The following TRPM6 variants were observed in gnomAD, a reference collection of about 807,000 sequenced individuals.
TRPM6 encodes transient receptor potential cation channel subfamily M member 6.
TRPM6 carries 111 observed loss-of-function variants against 247.6 expected under a neutral mutation model. The observed-to-expected ratio is 0.45, with a 90% CI of 0.38 to 0.52. The LOEUF is 0.52. Ranked by LOEUF, TRPM6 falls within the 20% of genes least tolerant of loss-of-function variation. The pLI is 0.00. For missense variants in TRPM6, 2,126 were observed against 2,421.5 expected (o/e 0.88, Z 2.56); for synonymous variants, 892 against 853.8 (o/e 1.04, Z -0.78).
At chr9:74,848,911 T>C (rs1830194711) in intron 3 of TRPM6, among the ~76,000 whole-genome samples, 3 of 152,206 alleles carry the variant, frequency 2.0e-5, no homozygotes, top group Admixed American at 2.0e-4. Flanking sequence ...TTCCAAAATG[T>C]TCCAAAGAGA....
chr9:74,738,458 G>A lies in TRPM6; in HGVS notation c.5725C>T (p.His1909Tyr). ...TLEELMLAFS[H>Y]WTYEYTRGEL... ...CCCCGAGTGTACTCATAGGTCCAGT[G>A]AGAGAAAGCCAACATCAGCTCCTCC... Residue 1909 changes from histidine to tyrosine, a missense_variant, in exon 36 of 39, where the codon CAC becomes TAC. His to Tyr is a moderately conservative substitution (Grantham distance 83). Transcript: ENST00000360774. 2 of 1,614,112 alleles carry A rather than the reference G, an allele frequency of 1.2e-6. No homozygotes were observed. The highest frequency in any genetic ancestry group is 1.7e-6 in the Non-Finnish European group (2 of 1,179,994).
intron 35 of TRPM6, 133 bp downstream of exon 35, chr9:74,739,234 T>C (rs1587455896): frequency 2.2e-6 from 2 of 910,698 alleles, no homozygotes; most frequent in South Asian, 1.4e-5. Flanking sequence ...TCCGAAATTA[T>C]GGAAGGAAGA....
intron 36 of TRPM6, among the ~76,000 whole-genome samples, chr9:74,735,015 C>G (rs1825646972): frequency 6.6e-6 from 1 of 152,132 alleles, no homozygotes; most frequent in African/African-American, 2.4e-5. Flanking sequence ...GAGTTTGAGA[C>G]TGGCCTGGCC....
chr9:74,800,555 A>C, intron 16 of TRPM6, 73 bp from the exon 17 acceptor site: 1 of 1,018,726 alleles, frequency 9.8e-7, no homozygotes, highest in Non-Finnish European at 1.5e-6. Context: ...ATTTTAGAAC[A>C]TTTAGAAACA....
intron 36 of TRPM6, among the ~76,000 whole-genome samples, chr9:74,736,571 T>C (rs1487168146): frequency 1.3e-5 from 2 of 152,232 alleles, no homozygotes; most frequent in East Asian, 1.9e-4. Context: ...GGTGTAACTG[T>C]TCATAATTAC....
At chr9:74,854,095 G>A (rs1564051652) in intron 3 of TRPM6, among the ~76,000 whole-genome samples, 1 of 152,176 alleles carries the variant, frequency 6.6e-6, no homozygotes, top group East Asian at 1.9e-4. Flanking sequence ...ATATAACACA[G>A]ACAGCATCAG....
Position 74,782,659 on chromosome 9 carries a change from C to A in TRPM6, c.3094+20G>T, listed in dbSNP as rs76230771. 12 of 1,613,042 alleles carry A rather than the reference C, an allele frequency of 7.4e-6. No individual in the cohort carries two copies. Among genetic ancestry groups the A allele is most frequent in the Middle Eastern group, 1.6e-4 (1 of 6,080 alleles). ...CTATGAAGGCACAATTTCTGCATGA[C>A]GGTAAAATCCCATACACACCATCTA... On this transcript the variant is annotated intron_variant, in intron 22 of 38. Transcript: ENST00000360774.
chr9:74,825,071 C>T (rs991737020), intron 7 of TRPM6, among the ~76,000 whole-genome samples: 2 of 152,082 alleles, frequency 1.3e-5, no homozygotes, highest in Non-Finnish European at 2.9e-5. Flanking sequence ...ACCAGCCTGG[C>T]CAACATGGTA....
At chr9:74,819,553 C>A (rs575561332) in intron 9 of TRPM6, among the ~76,000 whole-genome samples, 1 of 152,254 alleles carries the variant, frequency 6.6e-6, no homozygotes, top group African/African-American at 2.4e-5. Context: ...TATCACAGTA[C>A]CCTAAAACAC....
At chr9:74,791,278 T>C (rs946350284) in intron 19 of TRPM6, among the ~76,000 whole-genome samples, 5 of 152,216 alleles carry the variant, frequency 3.3e-5, no homozygotes, top group African/African-American at 1.2e-4. Context: ...CACAGCTACG[T>C]ACTTATTCAA....
At chr9:74,865,009 G>C (rs1830802386) in intron 1 of TRPM6, among the ~76,000 whole-genome samples, 1 of 151,074 alleles carries the variant, frequency 6.6e-6, no homozygotes, top group Non-Finnish European at 1.5e-5. Flanking sequence ...GGAGGTGGAA[G>C]TTGCAGTGGG....
chr9:74,872,600 T>TTGTG (rs59577843), intron 1 of TRPM6, among the ~76,000 whole-genome samples: 70,262 of 150,008 alleles, frequency 0.47, 17,356 homozygotes, highest in East Asian at 0.76. Flanking sequence ...CCAGCAAATT[T>TTGTG]TGTGTGTGTG....
chr9:74,807,089 A>G (rs1454116429), intron 14 of TRPM6, among the ~76,000 whole-genome samples: 1 of 152,150 alleles, frequency 6.6e-6, no homozygotes, highest in Non-Finnish European at 1.5e-5. Context: ...TTAATAGAGA[A>G]CATTTTTCTG....
At chr9:74,737,557 G>A in intron 36 of TRPM6, 1 of 611,530 alleles carries the variant, frequency 1.6e-6, no homozygotes, top group Non-Finnish European at 2.6e-6. Flanking sequence ...AAAGAACAGT[G>A]AAAAGAAAAG....
chr9:74,856,557 C>T (rs556151661), intron 2 of TRPM6, among the ~76,000 whole-genome samples: 5 of 151,912 alleles, frequency 3.3e-5, no homozygotes, highest in South Asian at 4.2e-4. Flanking sequence ...AAATAAGGGC[C>T]GCTCTAAGTT....
At position 74,887,897 on chromosome 9, in the gene TRPM6, T is replaced by C. The variant is rs1208205787; in HGVS notation, c.-41A>G. 2 of 1,613,694 alleles carry C rather than the reference T, an allele frequency of 1.2e-6. No individual in the cohort carries two copies. Among genetic ancestry groups the C allele is most frequent in the Non-Finnish European group, 1.7e-6 (2 of 1,179,840 alleles). On this transcript the variant is annotated 5_prime_UTR_variant, in exon 1 of 39. Coordinates refer to ENST00000360774, the MANE Select transcript of TRPM6 (RefSeq NM_017662.5). The stretch of plus-strand genomic sequence containing the variant: ...CCTGCTCCCAAAGCCCTGTCTGAGC[T>C]TTTAACTGTGGAGGCAGAAACTCTG...
At chr9:74,747,827 G>T in intron 31 of TRPM6, 62 bp downstream of exon 31, 1 of 1,358,448 alleles carries the variant, frequency 7.4e-7, no homozygotes, top group Non-Finnish European at 1.0e-6. Context: ...CAGCAGGACA[G>T]TGAACCTCGC....
At chr9:74,753,610 C>G (rs368758666) in intron 28 of TRPM6, among the ~76,000 whole-genome samples, 1 of 152,032 alleles carries the variant, frequency 6.6e-6, no homozygotes, top group Non-Finnish European at 1.5e-5. Flanking sequence ...GTGGAAGGAT[C>G]GCTTGAGCCC....
In TRPM6 at chr9:74,785,884, A is replaced by T. The variant is rs1319825402; in HGVS notation, c.2909T>A (p.Ile970Asn). 1 of 1,614,222 alleles carries T rather than the reference A, an allele frequency of 6.2e-7. No homozygotes were observed. The highest frequency in any genetic ancestry group is 1.1e-5 in the South Asian group (1 of 91,084). ...NQHAGPYVTM[I>N]AKMTANMFYI... Reference sequence around the variant, plus strand: ...CTAGACTGTACTCACCATTTTTGCAATCATGGTCACATATGGACCTGCATG... The same window carrying T: ...CTAGACTGTACTCACCATTTTTGCATTCATGGTCACATATGGACCTGCATG... The change falls in exon 21 of 39, where the codon ATT (isoleucine) becomes AAT (asparagine). Residue 970 changes from isoleucine (I) to asparagine (N), a missense_variant. Ile to Asn is a moderately radical substitution (Grantham distance 149). Around this residue, in one of 3 missense-constraint regions of TRPM6, gnomAD observed 1,082 missense variants for 1,307.9 expected, o/e 0.83. Transcript: ENST00000360774.
Sources: allele counts gnomAD v4.1 joint callset (sites outside exome capture counted in the v4.1 genomes callset), GRCh38; gene constraint gnomAD v4.1.1; regional missense constraint gnomAD v4.1.1; transcripts MANE v1.5; gene names NCBI Gene and HGNC (gene_info 2026-07-23, HGNC 2026-07-21).